Variants in OR4F6 observed in about 807,000 individuals in gnomAD.
The protein encoded by OR4F6 is olfactory receptor family 4 subfamily F member 6.
A neutral mutation model predicts 15.9 loss-of-function variants in OR4F6; 13 were observed. The ratio of observed to expected loss-of-function variants is 0.82; its 90% confidence interval spans 0.53 to 1.30. The LOEUF (loss-of-function observed/expected upper bound fraction) is 1.30, where lower values mean the gene tolerates loss of function less well. OR4F6 is among the 50% of genes most tolerant of loss of function. OR4F6 has a pLI of 0.00. For missense variants in OR4F6, 426 were observed against 367.2 expected, an observed-to-expected ratio of 1.16 and a Z score of -1.31; for synonymous variants, 150 against 133.8, an observed-to-expected ratio of 1.12 and a Z score of -0.83.
At chr15:101,805,366 T>C (rs761650042) in intron 1 of OR4F6, among the ~76,000 whole-genome samples, 1 of 152,082 alleles carries the variant, frequency 6.6e-6, no homozygotes, top group East Asian at 1.9e-4. Context: ...ATTAGAGAGA[T>C]GTAATGATGA....
In OR4F6 at chr15:101,806,723, G is replaced by A; in HGVS notation, c.*65G>A. 1 of 935,412 alleles carries A rather than the reference G, an allele frequency of 1.1e-6. No homozygotes were observed. The highest frequency in any genetic ancestry group is 1.6e-6 in the Non-Finnish European group (1 of 636,934). 57.9% of individuals were successfully genotyped at this position (935,412 alleles called of 1,614,324 possible). A position where few individuals can be genotyped will look rare whatever the true frequency, so the allele number is the denominator to read the frequency against. ...TTTCAGACAGATATGTGTTAAGTAAGCTATGTTAAATTTAACCAGAATATC... is the reference window on the plus strand; with the variant it reads ...TTTCAGACAGATATGTGTTAAGTAAACTATGTTAAATTTAACCAGAATATC... On this transcript the variant is annotated 3_prime_UTR_variant, in exon 2 of 2. Transcript: ENST00000328882.
chr15:101,805,065 G>T (rs1902773711), intron 1 of OR4F6, among the ~76,000 whole-genome samples: 2 of 152,126 alleles, frequency 1.3e-5, no homozygotes, highest in South Asian at 4.1e-4. Flanking sequence ...AAGCTGAGTT[G>T]CCCTTTATGA....
intron 1 of OR4F6, among the ~76,000 whole-genome samples, chr15:101,804,537 G>A (rs1186953498): frequency 6.6e-6 from 1 of 152,180 alleles, no homozygotes; most frequent in East Asian, 1.9e-4. Context: ...CACTGCAAAG[G>A]CACACTGGGA....
rs750658772 is a variant in OR4F6 at position 101,805,914 on chromosome 15, C to A, written c.195C>A (p.Asn65Lys). 3.7e-6 allele frequency: 6 copies of A among 1,614,040 alleles called. No individual in the cohort carries two copies. Among genetic ancestry groups the A allele is most frequent in the African/African-American group, 2.7e-5 (2 of 74,912 alleles). Residue 65 changes from asparagine (N) to lysine (K), a missense_variant, in exon 2 of 2, where the codon AAC (asparagine) becomes AAA (lysine). Transcript: ENST00000328882. ...LQSPMYFLLA[N>K]LSIINLVFCS... is the part of the protein sequence containing the mutation. ...CCCCCATGTACTTCCTGCTGGCCAA[C>A]CTTTCCATCATCAATTTGGTATTTT...
Position 101,805,832 on chromosome 15 carries a change from G to A in OR4F6, c.113G>A (p.Ser38Asn), listed in dbSNP as rs1456726640. ...FLFFSVFYVS[S>N]LMGNLLIVLT... ...TTTTTCTCAGTGTTCTATGTGTCAA[G>A]CCTGATGGGAAATCTCCTCATTGTG... is the stretch of plus-strand genomic sequence containing the variant. Residue 38 changes from serine (S) to asparagine (N), a missense_variant, in exon 2 of 2, where the codon AGC becomes AAC. Physicochemically the swap from Ser to Asn is conservative, Grantham distance 46. Coordinates refer to ENST00000328882, the MANE Select transcript of OR4F6 (RefSeq NM_001005326.2). 5 of 1,614,084 alleles carry A rather than the reference G, an allele frequency of 3.1e-6. No homozygotes were observed. Among genetic ancestry groups the A allele is most frequent in the East Asian group, 2.2e-5 (1 of 44,882 alleles).
Sources: allele counts gnomAD v4.1 joint callset (sites outside exome capture counted in the v4.1 genomes callset), GRCh38; gene constraint gnomAD v4.1.1; transcripts MANE v1.5; gene names NCBI Gene and HGNC (gene_info 2026-07-23, HGNC 2026-07-21).